The following MKNK1 variants were observed in gnomAD, a reference collection of about 807,000 sequenced individuals.
MKNK1 encodes MAP kinase-interacting serine/threonine-protein kinase 1.
A neutral mutation model predicts 49.3 loss-of-function variants in MKNK1; 30 were observed. The observed-to-expected ratio is 0.61, with a 90% CI of 0.46 to 0.83. The LOEUF (loss-of-function observed/expected upper bound fraction) is 0.83, where lower values mean the gene tolerates loss of function less well. Ranked by LOEUF, MKNK1 falls within the 40% of genes least tolerant of loss-of-function variation. The pLI, the probability that MKNK1 is intolerant of heterozygous loss-of-function variation, is 0.00. For synonymous variants in MKNK1, 176 were observed against 201.7 expected, an observed-to-expected ratio of 0.87 and a Z score of 1.08; for missense variants, 423 against 524.7, an observed-to-expected ratio of 0.81 and a Z score of 1.89.
rs895364681 is a variant in MKNK1 at position 46,600,895 on chromosome 1, CACT to C, written c.-171+3287_-171+3289del. Among the ~76,000 whole-genome samples the C allele has an allele frequency of 1.8e-4, 27 of 152,218 alleles. No homozygotes were observed. The East Asian group carries it at 3.3e-3, about 18-fold the overall frequency. On this transcript the variant is annotated intron_variant, in intron 1 of 12. Transcript: ENST00000371945. ...GACATTTCACTTCTAGAACTATCTC[CACT>C]ACTGACTGATTCCTTGTGTAATCTT...
intron 8 of MKNK1, 104 bp from the exon 9 acceptor site, chr1:46,565,240 C>T: frequency 1.9e-6 from 2 of 1,048,144 alleles, no homozygotes. Flanking sequence ...TGTCACACCG[C>T]AGCTGGTTTT....
At chr1:46,580,274 T>C (rs560975811) in intron 4 of MKNK1, among the ~76,000 whole-genome samples, 63 of 152,366 alleles carry the variant, frequency 4.1e-4, no homozygotes, top group African/African-American at 1.5e-3. Flanking sequence ...ACTTTACCTA[T>C]ATTAACTTAT....
intron 7 of MKNK1, chr1:46,570,070 T>G (rs1438994636): frequency 6.6e-6 from 1 of 152,228 alleles, no homozygotes; most frequent in Non-Finnish European, 1.5e-5. Context: ...CCGTGTGAAG[T>G]TATTTAGCAA....
chr1:46,568,345 G>A, intron 8 of MKNK1, 98 bp downstream of exon 8: 1 of 1,117,928 alleles, frequency 8.9e-7, no homozygotes, highest in South Asian at 1.3e-5. Flanking sequence ...TCAAGTTGGT[G>A]TCTGAGGCCA....
intron 1 of MKNK1, among the ~76,000 whole-genome samples, chr1:46,600,853 T>G (rs936967382): frequency 2.6e-5 from 4 of 152,052 alleles, no homozygotes; most frequent in African/African-American, 9.7e-5. Flanking sequence ...CGTAGTAGAC[T>G]GAAAAAACAG....
chr1:46,568,656 C>T (rs1340708791), intron 7 of MKNK1, 158 bp from the exon 8 acceptor site: 7 of 674,526 alleles, frequency 1.0e-5, no homozygotes, highest in South Asian at 1.9e-5. Flanking sequence ...AAGTAACCAG[C>T]GACACAAACC....
At chr1:46,573,735 T>A (rs915655429) in intron 6 of MKNK1, 2 of 142,370 alleles carry the variant, frequency 1.4e-5, no homozygotes, top group Admixed American at 6.9e-5. Flanking sequence ...TTTACATACT[T>A]TTTTTTTTTT....
In MKNK1 at chr1:46,577,908, A is replaced by G. The variant is rs151001714; in HGVS notation, c.199-1254T>C. 2.7e-3 allele frequency among the ~76,000 whole-genome samples: 413 copies of G among 152,334 alleles called. 5 individuals carry two copies. The highest frequency in any genetic ancestry group is 1.7e-3 in the Non-Finnish European group (113 of 68,028). ...CTCCAACGTGCACAGTGGGCAGCAC[A>G]ATGACATCCTCTTCCTTCATTGAGA... On this transcript the variant is annotated intron_variant, in intron 4 of 12. Transcript: ENST00000371945.
At chr1:46,601,598 T>G (rs541075630) in intron 1 of MKNK1, among the ~76,000 whole-genome samples, 18 of 152,370 alleles carry the variant, frequency 1.2e-4, no homozygotes, top group African/African-American at 3.4e-4. Flanking sequence ...CAATGAAGAA[T>G]GCCTGCTTGT....
intron 6 of MKNK1, chr1:46,574,190 T>C (rs1281457836): frequency 6.6e-6 from 1 of 152,250 alleles, no homozygotes; most frequent in Non-Finnish European, 1.5e-5. Context: ...GTGAGGTAGG[T>C]GCTATCAATA....
At chr1:46,586,505 T>A (rs1672593418) in intron 2 of MKNK1, among the ~76,000 whole-genome samples, 1 of 152,192 alleles carries the variant, frequency 6.6e-6, no homozygotes, top group South Asian at 2.1e-4. Context: ...AGGCTGAGAT[T>A]GTCCCCTGTT....
Position 46,581,508 on chromosome 1 carries a change from C to CAA in MKNK1, c.101-883_101-882dup, listed in dbSNP as rs36099600. The stretch of plus-strand genomic sequence containing the variant: ...CTGGTGACAGAGTGAGACCCCATAT[C>CAA]AAAAAAAAAAAAAAAAAAAAAAAAA... On this transcript the variant is annotated intron_variant, in intron 3 of 12. Coordinates refer to ENST00000371945, the MANE Select transcript of MKNK1 (RefSeq NM_001135553.4). Among the ~76,000 whole-genome samples the CAA allele has an allele frequency of 1.9e-3, 79 of 41,656 alleles. 3 individuals are homozygous for CAA. Among genetic ancestry groups the CAA allele is most frequent in the South Asian group, 0.011 (7 of 638 alleles). The allele number at this position is 41,656 out of a possible 152,430, so 27.3% of individuals were successfully genotyped here.
chr1:46,562,025 G>A (rs551951551), intron 10 of MKNK1, among the ~76,000 whole-genome samples: 2 of 152,220 alleles, frequency 1.3e-5, no homozygotes, highest in African/African-American at 4.8e-5. Context: ...TATTTCATGT[G>A]CCCACATCTA....
intron 7 of MKNK1, 173 bp from the exon 8 acceptor site, chr1:46,568,671 GCA>G: frequency 3.2e-6 from 2 of 632,538 alleles, no homozygotes; most frequent in Non-Finnish European, 5.6e-6. Flanking sequence ...CAAACCAAAA[GCA>G]CAGTTGATTC....
At chr1:46,593,189 G>GAT (rs1557890657) in intron 2 of MKNK1, among the ~76,000 whole-genome samples, 59 of 152,214 alleles carry the variant, frequency 3.9e-4, no homozygotes, top group Admixed American at 3.0e-3. Flanking sequence ...AACCTGAAAA[G>GAT]ACACATCTCA....
chr1:46,576,635 C>T lies in MKNK1; in HGVS notation c.218G>A (p.Gly73Glu), dbSNP rs765935521. 3.7e-6 allele frequency: 6 copies of T among 1,614,120 alleles called. No individual in the cohort carries two copies. The South Asian group carries it at 6.6e-5, about 18-fold the overall frequency. The change falls in exon 5 of 13, where the codon GGG becomes GAG. Residue 73 changes from glycine to glutamate, a missense_variant. By Grantham distance (98) the Gly-to-Glu change is moderately conservative. Transcript: ENST00000371945. The part of the protein sequence containing the change: ...YAVKIIEKQA[G>E]HSRSRVFREV... ...TCGAAACACCCTACTCCGACTGTGC[C>T]CTGCTTGTTTCTCGATGATCTGTGG...
chr1:46,581,340 T>G (rs973071852), intron 3 of MKNK1, among the ~76,000 whole-genome samples: 2 of 151,462 alleles, frequency 1.3e-5, no homozygotes, highest in Non-Finnish European at 2.9e-5. Flanking sequence ...GGAAACCCCG[T>G]CTCTACTAAA....
chr1:46,604,140 G>C (rs529681404), intron 1 of MKNK1, 45 bp downstream of exon 1: 14 of 152,394 alleles, frequency 9.2e-5, no homozygotes, highest in African/African-American at 3.1e-4. Context: ...CACAGACCCC[G>C]GCCCCATTTA....
intron 9 of MKNK1, 122 bp downstream of exon 9, chr1:46,564,919 A>T: frequency 1.1e-6 from 1 of 934,906 alleles, no homozygotes; most frequent in Non-Finnish European, 1.7e-6. Context: ...CAAAATGATC[A>T]CTCAGGCAGC....
Sources: gnomAD v4.1 joint callset for allele counts (sites outside exome capture counted in the v4.1 genomes callset) on GRCh38, gnomAD v4.1.1 for gene constraint, MANE v1.5 for transcripts, NCBI Gene and HGNC (gene_info 2026-07-23, HGNC 2026-07-21) for gene names.